Variants in ZNF136 observed in about 807,000 individuals in gnomAD.
The protein encoded by ZNF136 is zinc finger protein 136.
ZNF136 carries 8 observed loss-of-function variants against 11.4 expected under a neutral mutation model. That is an observed-to-expected ratio of 0.70 (90% confidence interval 0.41 to 1.27). ZNF136 has a LOEUF of 1.27. Ranked by LOEUF, ZNF136 falls within the 50% of genes most tolerant of loss-of-function variation. The pLI, the probability that ZNF136 is intolerant of heterozygous loss-of-function variation, is 0.01. For missense variants in ZNF136, 590 were observed against 656.5 expected (o/e 0.90, Z 1.11); for synonymous variants, 190 against 207.1 (o/e 0.92, Z 0.71).
chr19:12,176,919 T>G (rs894403027), intron 1 of ZNF136, among the ~76,000 whole-genome samples: 6 of 152,176 alleles, frequency 3.9e-5, no homozygotes. Flanking sequence ...ATATGTGCAG[T>G]GACAAAGTGT....
chr19:12,186,825 C>G lies in ZNF136; in HGVS notation c.447C>G (p.Phe149Leu), dbSNP rs776515145. Residue 149 changes from phenylalanine (F) to leucine (L), a missense_variant, in exon 4 of 4, where the codon TTC (phenylalanine) becomes TTG (leucine). Phe to Leu is a conservative substitution (Grantham distance 22). Transcript: ENST00000343979. ...CACGTAACCAGTGTTGGAAACCCTT[C>G]AGTTCTCACCACTCCTTTCGAACAC... ...PDTRNQCWKPFSSHHSFRTHE... is the reference protein window; with the variant it reads ...PDTRNQCWKPLSSHHSFRTHE... 3.1e-6 allele frequency: 5 copies of G among 1,614,142 alleles called. No homozygotes were observed. The East Asian group carries it at 1.1e-4, about 36-fold the overall frequency.
chr19:12,168,958 G>A (rs1237654490), intron 1 of ZNF136, among the ~76,000 whole-genome samples: 2 of 152,178 alleles, frequency 1.3e-5, no homozygotes, highest in East Asian at 3.9e-4. Flanking sequence ...GATTATAGGG[G>A]TCATTCTTTA....
chr19:12,188,307 C>T lies in ZNF136; in HGVS notation c.*306C>T, dbSNP rs556770234. 1.3e-5 allele frequency: 3 copies of T among 231,524 alleles called. No individual in the cohort carries two copies. Among genetic ancestry groups the T allele is most frequent in the Non-Finnish European group, 2.5e-5 (3 of 118,946 alleles). 14.3% of individuals were successfully genotyped at this position (231,524 alleles called of 1,614,324 possible). A position where few individuals can be genotyped will look rare whatever the true frequency, so the allele number is the denominator to read the frequency against. ...TTTGTCATCACACAACCCTGTCACA[C>T]ATGAATGTGTAGTGGAGAGAACCTT... On this transcript the variant is annotated 3_prime_UTR_variant, in exon 4 of 4. Transcript: ENST00000343979.
intron 1 of ZNF136, among the ~76,000 whole-genome samples, chr19:12,173,538 C>T (rs147484016): frequency 2.0e-5 from 3 of 152,270 alleles, no homozygotes; most frequent in East Asian, 3.9e-4. Flanking sequence ...GTAACTCTAC[C>T]GGAATGGAAG....
chr19:12,183,572 T>A (rs951297320), intron 1 of ZNF136, among the ~76,000 whole-genome samples: 10 of 150,816 alleles, frequency 6.6e-5, no homozygotes, highest in African/African-American at 2.4e-4. Context: ...TCTATCTATC[T>A]ATCTATCTAT....
At position 12,188,563 on chromosome 19, in the gene ZNF136, C is replaced by T. The variant is rs1915178177; in HGVS notation, c.*562C>T. 2 of 152,214 alleles carry T rather than the reference C, an allele frequency of 1.3e-5. No homozygotes were observed. Among genetic ancestry groups the T allele is most frequent in the South Asian group, 4.1e-4 (2 of 4,830 alleles). 9.4% of individuals were successfully genotyped at this position (152,214 alleles called of 1,614,324 possible). A position where few individuals can be genotyped will look rare whatever the true frequency, so the allele number is the denominator to read the frequency against. ...TTTTAAAGTCATTTGAGGGCTCTGG[C>T]TCTGTGGCTTTGTGGGTTAAAGTAC... On this transcript the variant is annotated 3_prime_UTR_variant, in exon 4 of 4. Transcript: ENST00000343979.
At chr19:12,184,085 G>A (rs1421264348) in intron 1 of ZNF136, among the ~76,000 whole-genome samples, 1 of 151,098 alleles carries the variant, frequency 6.6e-6, no homozygotes, top group East Asian at 2.0e-4. Context: ...GGCCAACATG[G>A]TGAAACCCCA....
intron 1 of ZNF136, among the ~76,000 whole-genome samples, chr19:12,182,437 C>T (rs936562276): frequency 2.0e-5 from 3 of 152,216 alleles, no homozygotes; most frequent in African/African-American, 7.2e-5. Flanking sequence ...TAGTGAGTAT[C>T]AGCTCATGTG....
At position 12,175,461 on chromosome 19, in the gene ZNF136, C is replaced by G. The variant is rs531097517; in HGVS notation, c.4-10324C>G. ...CTGCCTGCCTCAGCCTCCCAAAGTGCTGGGATTACAGGTGTGAGCCACCAC... is the reference window on the plus strand; with the variant it reads ...CTGCCTGCCTCAGCCTCCCAAAGTGGTGGGATTACAGGTGTGAGCCACCAC... On this transcript the variant is annotated intron_variant, in intron 1 of 3. Transcript: ENST00000343979. Among the ~76,000 whole-genome samples the G allele has an allele frequency of 1.4e-4, 21 of 152,280 alleles. No individual in the cohort carries two copies. The East Asian group carries it at 2.1e-3, about 15-fold the overall frequency.
chr19:12,165,098 A>G (rs574121675), intron 1 of ZNF136, among the ~76,000 whole-genome samples: 3 of 152,298 alleles, frequency 2.0e-5, no homozygotes, highest in African/African-American at 7.2e-5. Context: ...GAAAAGACGG[A>G]AATGATTCCT....
At chr19:12,181,534 G>A (rs1012438208) in intron 1 of ZNF136, among the ~76,000 whole-genome samples, 3 of 150,972 alleles carry the variant, frequency 2.0e-5, no homozygotes, top group Non-Finnish European at 4.4e-5. Flanking sequence ...ATGCAGTGGC[G>A]CAATCTCCAC....
chr19:12,174,987 G>A (rs1914754497), intron 1 of ZNF136, among the ~76,000 whole-genome samples: 1 of 151,660 alleles, frequency 6.6e-6, no homozygotes, highest in Non-Finnish European at 1.5e-5. Context: ...CTCCCGAGTA[G>A]CTGGGACTAC....
At chr19:12,179,919 G>A (rs937303602) in intron 1 of ZNF136, among the ~76,000 whole-genome samples, 1 of 151,854 alleles carries the variant, frequency 6.6e-6, no homozygotes, top group Non-Finnish European at 1.5e-5. Flanking sequence ...GGGCTGGAGT[G>A]CAGTGGCGCA....
At chr19:12,184,807 C>T (rs983025561) in intron 1 of ZNF136, 12 of 152,004 alleles carry the variant, frequency 7.9e-5, no homozygotes, top group South Asian at 2.1e-4. Flanking sequence ...GAAGGTGGGA[C>T]GCCAGAAATT....
rs182701371 is a variant in ZNF136 at position 12,180,792 on chromosome 19, A to T, written c.4-4993A>T. On this transcript the variant is annotated intron_variant, in intron 1 of 3. Coordinates refer to ENST00000343979, the MANE Select transcript of ZNF136 (RefSeq NM_003437.5). ...CTTATTGTCATTTTTGCATTGGTTA[A>T]AAATTTTAATGCATGTAATATGTGA... Among the ~76,000 whole-genome samples the T allele has an allele frequency of 5.9e-5, 9 of 152,348 alleles. No homozygotes were observed. In the East Asian group the frequency reaches 1.7e-3, roughly 29 times the overall value.
At chr19:12,180,758 T>G in intron 1 of ZNF136, among the ~76,000 whole-genome samples, 1 of 152,190 alleles carries the variant, frequency 6.6e-6, no homozygotes, top group East Asian at 1.9e-4. Flanking sequence ...CGTAAAGATA[T>G]AGGTATGGCT....
At position 12,187,632 on chromosome 19, in the gene ZNF136, A is replaced by C. The variant is rs1365505138; in HGVS notation, c.1254A>C (p.Lys418Asn). 2 of 1,614,124 alleles carry C rather than the reference A, an allele frequency of 1.2e-6. No homozygotes were observed. The highest frequency in any genetic ancestry group is 1.7e-6 in the Non-Finnish European group (2 of 1,180,018). Residue 418 changes from lysine (K) to asparagine (N), a missense_variant, in exon 4 of 4, where the codon AAA (lysine) becomes AAC (asparagine). Lys to Asn is a moderately conservative substitution (Grantham distance 94). Coordinates refer to ENST00000343979, the MANE Select transcript of ZNF136 (RefSeq NM_003437.5). ...RIHERTHTGEKPYVCKHCGKA... is the reference protein window; with the variant it reads ...RIHERTHTGENPYVCKHCGKA... ...ATGAAAGAACTCACACTGGAGAGAA[A>C]CCTTATGTATGTAAACATTGTGGTA...
intron 1 of ZNF136, among the ~76,000 whole-genome samples, chr19:12,174,422 C>G (rs188319577): frequency 6.6e-6 from 1 of 152,308 alleles, no homozygotes; most frequent in Admixed American, 6.5e-5. Flanking sequence ...TGCTCTGTCA[C>G]AGGTTCTTGG....
Position 12,186,622 on chromosome 19 carries a change from G to A in ZNF136, c.244G>A (p.Gly82Arg). 1 of 1,614,106 alleles carries A rather than the reference G, an allele frequency of 6.2e-7. No homozygotes were observed. The change falls in exon 4 of 4, where the codon GGA (glycine) becomes AGA (arginine). Residue 82 changes from glycine to arginine, a missense_variant. Gly to Arg is a moderately radical substitution (Grantham distance 125, BLOSUM62 -2). Coordinates refer to ENST00000343979, the MANE Select transcript of ZNF136 (RefSeq NM_003437.5). Reference sequence around the variant, plus strand: ...AACTAAGGATGGTAGTCAGCGTGGAGGAATTTTTAGCCAGTTTGCAAATCA... The same window carrying A: ...AACTAAGGATGGTAGTCAGCGTGGAAGAATTTTTAGCCAGTTTGCAAATCA... Reference protein sequence around the residue: ...YQTKDGSQRGGIFSQFANQNL... With the variant: ...YQTKDGSQRGRIFSQFANQNL...
Sources: allele counts gnomAD v4.1 joint callset (sites outside exome capture counted in the v4.1 genomes callset), GRCh38; gene constraint gnomAD v4.1.1; transcripts MANE v1.5; gene names NCBI Gene and HGNC (gene_info 2026-07-23, HGNC 2026-07-21).